The following EBF1 variants were observed in gnomAD, a reference collection of about 807,000 sequenced individuals.
EBF1 encodes the protein EBF transcription factor 1.
EBF1 carries 10 observed loss-of-function variants against 68.4 expected under a neutral mutation model. The ratio of observed to expected loss-of-function variants is 0.15; its 90% CI spans 0.09 to 0.25. The LOEUF is 0.25. Ranked by LOEUF, EBF1 falls within the 10% of genes least tolerant of loss-of-function variation. The pLI, the probability that EBF1 is intolerant of heterozygous loss-of-function variation, is 1.00. For missense variants in EBF1, 509 were observed against 794.4 expected, an observed-to-expected ratio of 0.64 and a Z score of 4.32; for synonymous variants, 298 against 299.8, an observed-to-expected ratio of 0.99 and a Z score of 0.06.
In EBF1 at chr5:159,046,323, C is replaced by T. The variant is rs531383161; in HGVS notation, c.554+27073G>A. 2.3e-3 allele frequency among the ~76,000 whole-genome samples: 353 copies of T among 152,330 alleles called. 4 individuals are homozygous for T. The highest frequency in any genetic ancestry group is 7.7e-3 in the African/African-American group (321 of 41,580). ...AATAGCATCTCCCACAAAACAGGCT[C>T]TCAATAATCTTGTTGAATTGAACCC... On this transcript the variant is annotated intron_variant, in intron 6 of 15. Transcript: ENST00000313708.
chr5:158,912,341 A>G (rs1806171992), intron 6 of EBF1, among the ~76,000 whole-genome samples: 1 of 152,228 alleles, frequency 6.6e-6, no homozygotes, highest in African/African-American at 2.4e-5. Context: ...AGCTTTGCCC[A>G]ATTTAAAATG....
At chr5:158,809,575 G>A (rs1782223877) in intron 8 of EBF1, among the ~76,000 whole-genome samples, 1 of 152,070 alleles carries the variant, frequency 6.6e-6, no homozygotes, top group South Asian at 2.1e-4. Context: ...CTAAGACTCA[G>A]ACCCACATAT....
intron 10 of EBF1, among the ~76,000 whole-genome samples, chr5:158,769,911 A>T (rs1265106527): frequency 6.6e-6 from 1 of 152,164 alleles, no homozygotes; most frequent in African/African-American, 2.4e-5. Flanking sequence ...CAATTAGGAC[A>T]CTGCTAAGGC....
chr5:159,033,544 G>C (rs1004239725), intron 6 of EBF1, among the ~76,000 whole-genome samples: 3 of 152,174 alleles, frequency 2.0e-5, no homozygotes, highest in African/African-American at 4.8e-5. Context: ...TTTTCGGAGG[G>C]AGTTAAGGAA....
intron 6 of EBF1, among the ~76,000 whole-genome samples, chr5:158,870,666 A>C (rs1796716211): frequency 6.6e-6 from 1 of 152,144 alleles, no homozygotes; most frequent in South Asian, 2.1e-4. Flanking sequence ...ACAGAGTGAG[A>C]CCCTGTCTCA....
At chr5:158,775,772 ACAT>A (rs1561891200) in intron 10 of EBF1, among the ~76,000 whole-genome samples, 7 of 126,626 alleles carry the variant, frequency 5.5e-5, no homozygotes, top group African/African-American at 2.4e-4. Flanking sequence ...ACACACACAC[ACAT>A]GCACACAGAC....
chr5:159,081,884 GTAATGATGATTGA>G (rs1448131043), intron 5 of EBF1, among the ~76,000 whole-genome samples: 1 of 152,186 alleles, frequency 6.6e-6, no homozygotes, highest in African/African-American at 2.4e-5. Context: ...ATAGCAAAAT[GTAATGATGATTGA>G]TATGATAGAT....
At chr5:159,047,147 G>A (rs1772585512) in intron 6 of EBF1, among the ~76,000 whole-genome samples, 1 of 152,190 alleles carries the variant, frequency 6.6e-6, no homozygotes. Flanking sequence ...TCCTATGCTG[G>A]GAACTGACCC....
At position 158,907,614 on chromosome 5, in the gene EBF1, G is replaced by A. The variant is rs1052006504; in HGVS notation, c.555-67504C>T. ...ATTCTCATGGGTGTCCTGGTCCCAT[G>A]AAATGAATTCCTGAGTTATCAGTTT... is the stretch of plus-strand genomic sequence containing the variant. On this transcript the variant is annotated intron_variant, in intron 6 of 15. Transcript: ENST00000313708. Among the ~76,000 whole-genome samples the A allele has an allele frequency of 2.0e-5, 3 of 152,180 alleles. No individual in the cohort carries two copies. The East Asian group carries it at 5.8e-4, about 29-fold the overall frequency.
At chr5:158,792,012 G>C (rs906558197) in intron 9 of EBF1, among the ~76,000 whole-genome samples, 1 of 152,076 alleles carries the variant, frequency 6.6e-6, no homozygotes, top group African/African-American at 2.4e-5. Context: ...CCAGAAGCAG[G>C]AGCCCCTCCC....
intron 6 of EBF1, among the ~76,000 whole-genome samples, chr5:158,964,325 A>C (rs1418236082): frequency 6.6e-6 from 1 of 152,196 alleles, no homozygotes; most frequent in Non-Finnish European, 1.5e-5. Flanking sequence ...CAGGCTGTCC[A>C]AGTGGGAGCC....
At chr5:159,029,726 G>A (rs1340855346) in intron 6 of EBF1, among the ~76,000 whole-genome samples, 6 of 152,106 alleles carry the variant, frequency 3.9e-5, no homozygotes, top group Admixed American at 1.3e-4. Flanking sequence ...AGCCCAAGGC[G>A]GGTGGATCAC....
chr5:158,941,797 G>A (rs1022423787), intron 6 of EBF1, among the ~76,000 whole-genome samples: 1 of 152,198 alleles, frequency 6.6e-6, no homozygotes, highest in African/African-American at 2.4e-5. Flanking sequence ...AGTCCAAGGA[G>A]TAGTAATAAC....
At chr5:158,895,964 G>C (rs1216572154) in intron 6 of EBF1, among the ~76,000 whole-genome samples, 1 of 152,136 alleles carries the variant, frequency 6.6e-6, no homozygotes, top group Admixed American at 6.5e-5. Context: ...AAGAGGAGTG[G>C]TTAAAAGATG....
intron 10 of EBF1, among the ~76,000 whole-genome samples, chr5:158,764,491 AT>A (rs1184709221): frequency 6.6e-6 from 1 of 152,194 alleles, no homozygotes; most frequent in African/African-American, 2.4e-5. Context: ...TTTGACTAAT[AT>A]TTATTGCATC....
At chr5:159,019,659 T>G (rs1454692205) in intron 6 of EBF1, among the ~76,000 whole-genome samples, 2 of 152,242 alleles carry the variant, frequency 1.3e-5, no homozygotes, top group Non-Finnish European at 2.9e-5. Context: ...GCAAAGATTC[T>G]CTGCTTTATC....
intron 7 of EBF1, among the ~76,000 whole-genome samples, chr5:158,829,094 A>G (rs934912423): frequency 1.3e-5 from 2 of 152,176 alleles, no homozygotes; most frequent in African/African-American, 4.8e-5. Context: ...CATTCTGTAT[A>G]ATACTGTAAT....
intron 5 of EBF1, among the ~76,000 whole-genome samples, chr5:159,075,652 C>A (rs1778632860): frequency 6.6e-6 from 1 of 152,204 alleles, no homozygotes; most frequent in Admixed American, 6.5e-5. Context: ...TCCACTCTGA[C>A]CCCCTGCAAT....
At chr5:158,996,546 G>T (rs1761453344) in intron 6 of EBF1, among the ~76,000 whole-genome samples, 1 of 152,194 alleles carries the variant, frequency 6.6e-6, no homozygotes, top group African/African-American at 2.4e-5. Flanking sequence ...ACTTAATTCA[G>T]TTCTGGGTGT....
Sources: gnomAD v4.1 joint callset for allele counts (sites outside exome capture counted in the v4.1 genomes callset) on GRCh38, gnomAD v4.1.1 for gene constraint, MANE v1.5 for transcripts, NCBI Gene and HGNC (gene_info 2026-07-23, HGNC 2026-07-21) for gene names.